Variants in SRI observed in about 807,000 individuals in gnomAD.
The protein encoded by SRI is 22 kDa protein.
SRI carries 30 observed loss-of-function variants against 33.3 expected under a neutral mutation model. The observed-to-expected ratio is 0.90, with a 90% CI of 0.67 to 1.22. The LOEUF is 1.22. SRI is among the 50% of genes most tolerant of loss of function. The pLI is 0.00. For synonymous variants in SRI, 75 were observed against 89.9 expected (o/e 0.83, Z 0.94); for missense variants, 243 against 250.8 (o/e 0.97, Z 0.21).
In SRI at chr7:88,217,299, T is replaced by TAAATAAAAAAA. The variant is rs1851753190; in HGVS notation, c.136-109_136-108insTTTTTTTATTT. On this transcript the variant is annotated intron_variant, in intron 2 of 7. Coordinates refer to ENST00000265729, the MANE Select transcript of SRI (RefSeq NM_003130.4). ...AACAAAGAAAATCAGTATCTTTTTT[T>TAAATAAAAAAA]TATTTAAAAGGAATGCCTTTTTTTT... The TAAATAAAAAAA allele has an allele frequency of 3.1e-6, 3 of 975,542 alleles. No individual in the cohort carries two copies. The African/African-American group carries it at 4.9e-5, about 16-fold the overall frequency. The allele number at this position is 975,542 out of a possible 1,614,324, so 60.4% of individuals were successfully genotyped here. A position where few individuals can be genotyped will look rare whatever the true frequency, so the allele number is the denominator to read the frequency against.
At position 88,218,941 on chromosome 7, in the gene SRI, T is replaced by G. The variant is rs749408370; in HGVS notation, c.53A>C (p.Tyr18Ser). The G allele has an allele frequency of 1.2e-6, 2 of 1,613,754 alleles. No individual in the cohort carries two copies. The highest frequency in any genetic ancestry group is 1.7e-4 in the Middle Eastern group (1 of 6,060). Reference sequence around the variant, plus strand: ...CGCAGGCCCTCCGGGAGCCCCTCCATACTGTGAAACAGGAAACACATACAC... The same window carrying G: ...CGCAGGCCCTCCGGGAGCCCCTCCAGACTGTGAAACAGGAAACACATACAC... ...GAGGGYYPGG[Y>S]GGAPGGPAFP... The change falls in exon 2 of 8, where the codon TAT (tyrosine) becomes TCT (serine). Residue 18 changes from tyrosine (Y) to serine (S), a missense_variant and splice_region_variant. Transcript: ENST00000265729.
chr7:88,218,150 C>T (rs1217684812), intron 2 of SRI, among the ~76,000 whole-genome samples: 4 of 152,204 alleles, frequency 2.6e-5, no homozygotes, highest in Non-Finnish European at 5.9e-5. Context: ...GTTATACCAA[C>T]AGTATATTTA....
rs1563475857 is a variant in SRI, at chr7:88,217,102, C to T, written c.205+20G>A. The T allele has an allele frequency of 1.2e-6, 2 of 1,611,510 alleles. No individual in the cohort carries two copies. The highest frequency in any genetic ancestry group is 1.7e-6 in the Non-Finnish European group (2 of 1,177,762). On this transcript the variant is annotated intron_variant, in intron 3 of 7. Transcript: ENST00000265729. ...AAACACAAGAGTATATTTAGACAAA[C>T]TTTGGGACTGTCAACTTACGTTTGT...
chr7:88,217,243 G>GTTTACCTTCAGCATT, intron 2 of SRI, 52 bp from the exon 3 acceptor site: 1 of 1,460,918 alleles, frequency 6.8e-7, no homozygotes. Context: ...CTTTCAAGTT[G>GTTTACCTTCAGCATT]TTTACCTTCA....
intron 3 of SRI, among the ~76,000 whole-genome samples, chr7:88,214,464 T>G (rs1851658413): frequency 6.6e-6 from 1 of 152,086 alleles, no homozygotes; most frequent in Admixed American, 6.5e-5. Context: ...GAAAGGGCAG[T>G]GAGATGGCAG....
chr7:88,207,836 CAAAAAA>C (rs1272768205), intron 7 of SRI: 1 of 152,242 alleles, frequency 6.6e-6, no homozygotes, highest in African/African-American at 2.4e-5. Flanking sequence ...ACTAAAAATA[CAAAAAA>C]ACTTAACCAG....
intron 3 of SRI, chr7:88,214,898 C>T (rs776646426): frequency 2.9e-6 from 3 of 1,048,886 alleles, no homozygotes; most frequent in South Asian, 2.6e-5. Flanking sequence ...GAAAGCCCTA[C>T]CTCCAGCTGT....
intron 7 of SRI, among the ~76,000 whole-genome samples, 177 bp from the exon 8 acceptor site, chr7:88,206,681 A>G (rs1228594071): frequency 6.6e-6 from 1 of 152,218 alleles, no homozygotes; most frequent in African/African-American, 2.4e-5. Context: ...GAAGCAGTCT[A>G]ATATAAAATC....
chr7:88,215,977 G>A (rs1311646382), intron 3 of SRI, among the ~76,000 whole-genome samples: 3 of 152,176 alleles, frequency 2.0e-5, no homozygotes, highest in Non-Finnish European at 4.4e-5. Flanking sequence ...GCCCCCAGTT[G>A]GGATGCAGCA....
chr7:88,210,423 C>T, intron 4 of SRI: 4 of 438,240 alleles, frequency 9.1e-6, no homozygotes, highest in Non-Finnish European at 4.2e-6. Context: ...CTAGGCTGTA[C>T]TTTGTGGGTG....
intron 1 of SRI, 72 bp from the exon 2 acceptor site, chr7:88,219,014 G>A: frequency 7.1e-7 from 1 of 1,410,148 alleles, no homozygotes; most frequent in Non-Finnish European, 1.0e-6. Context: ...GAGGGCTTTT[G>A]TGCAAGGCCA....
chr7:88,215,096 G>A (rs1851675539), intron 3 of SRI, among the ~76,000 whole-genome samples: 1 of 152,108 alleles, frequency 6.6e-6, no homozygotes, highest in Admixed American at 6.5e-5. Context: ...CATCCAATTC[G>A]GACCTGTGCT....
rs1563477696 is a variant in SRI, at chr7:88,220,002, C to CG, written c.24dup (p.Ala9ArgfsTer44). The CG allele has an allele frequency of 6.5e-7, 1 of 1,536,022 alleles. No homozygotes were observed. The highest frequency in any genetic ancestry group is 8.7e-7 in the Non-Finnish European group (1 of 1,145,938). ...CCGCCTGGGTAGTACCCGCCGCCGG[C>CG]GCCAGGATGCCCCGGGTACGCCATG... On this transcript the variant is annotated frameshift_variant, in exon 1 of 8. Coordinates refer to ENST00000265729, the MANE Select transcript of SRI (RefSeq NM_003130.4). LOFTEE classifies it high-confidence loss of function.
At chr7:88,209,206 A>T in intron 6 of SRI, 133 bp downstream of exon 6, 1 of 673,018 alleles carries the variant, frequency 1.5e-6, no homozygotes, top group Non-Finnish European at 2.5e-6. Context: ...AGATATGCTT[A>T]ATAGTAATCT....
At chr7:88,223,239 A>C (rs1209613702), upstream of SRI, among the ~76,000 whole-genome samples, 1 of 152,220 alleles carries the variant, frequency 6.6e-6, no homozygotes, top group Non-Finnish European at 1.5e-5. Flanking sequence ...CATATATATA[A>C]TAATAAAAAT....
intron 3 of SRI, among the ~76,000 whole-genome samples, chr7:88,211,212 G>C (rs553362549): frequency 2.0e-5 from 3 of 152,256 alleles, no homozygotes; most frequent in Admixed American, 6.5e-5. Flanking sequence ...CAGCACTTTG[G>C]GGGGTGCCGA....
intron 1 of SRI, chr7:88,219,540 T>G: frequency 1.1e-5 from 2 of 174,468 alleles, no homozygotes; most frequent in Non-Finnish European, 2.3e-5. Context: ...CTCACTCGTT[T>G]TTTGTTTGTT....
chr7:88,209,659 G>C (rs555076245), intron 5 of SRI, among the ~76,000 whole-genome samples: 1 of 152,218 alleles, frequency 6.6e-6, no homozygotes, highest in East Asian at 1.9e-4. Context: ...CTCTCGCCCA[G>C]GCTGGAGTGC....
At chr7:88,226,975 G>A (rs960314772) in exon 1 of SRI, 9 of 1,609,852 alleles carry the variant, frequency 5.6e-6, no homozygotes, top group Non-Finnish European at 7.6e-6. Flanking sequence ...TTCTTGCAGA[G>A]TGGCCAAATA....
Sources: allele counts gnomAD v4.1 joint callset (sites outside exome capture counted in the v4.1 genomes callset), GRCh38; gene constraint gnomAD v4.1.1; transcripts MANE v1.5; gene names NCBI Gene and HGNC (gene_info 2026-07-23, HGNC 2026-07-21).